The following CSGALNACT1 variants were observed in gnomAD, a reference collection of about 807,000 sequenced individuals.
The protein encoded by CSGALNACT1 is chondroitin sulfate N-acetylgalactosaminyltransferase 1.
A neutral mutation model predicts 51.0 loss-of-function variants in CSGALNACT1; 52 were observed. The ratio of observed to expected loss-of-function variants is 1.02; its 90% CI spans 0.82 to 1.29. CSGALNACT1 has a LOEUF of 1.29. Among genes scored for constraint, CSGALNACT1 ranks in the 50% most tolerant of loss-of-function variants. The pLI, the probability that CSGALNACT1 is intolerant of heterozygous loss-of-function variation, is 0.00. For missense variants in CSGALNACT1, 935 were observed against 679.2 expected (o/e 1.38, Z -4.19); for synonymous variants, 341 against 254.4 (o/e 1.34, Z -3.24).
At chr8:19,445,787 CTGAGTAAA>C (rs1563434984) in intron 5 of CSGALNACT1, among the ~76,000 whole-genome samples, 1 of 152,186 alleles carries the variant, frequency 6.6e-6, no homozygotes, top group Non-Finnish European at 1.5e-5. Context: ...CTAAATAATT[CTGAGTAAA>C]CTCCATCCAC....
chr8:19,562,568 T>C (rs1163617874), intron 3 of CSGALNACT1, among the ~76,000 whole-genome samples: 2 of 148,970 alleles, frequency 1.3e-5, no homozygotes, highest in Non-Finnish European at 3.0e-5. Flanking sequence ...CTGACAAAGG[T>C]CTAATATCCA....
At chr8:19,460,259 CA>C (rs1563518204) in intron 4 of CSGALNACT1, among the ~76,000 whole-genome samples, 1 of 151,146 alleles carries the variant, frequency 6.6e-6, no homozygotes, top group Non-Finnish European at 1.5e-5. Flanking sequence ...CAGGGAGACA[CA>C]GAGAGAGAGA....
chr8:19,744,184 G>A (rs1047404803), intron 1 of CSGALNACT1, among the ~76,000 whole-genome samples: 4 of 152,136 alleles, frequency 2.6e-5, no homozygotes, highest in African/African-American at 7.2e-5. Context: ...AGATGGCTAC[G>A]GGAAAGGTAT....
intron 6 of CSGALNACT1, among the ~76,000 whole-genome samples, chr8:19,437,336 C>T (rs555412562): frequency 3.3e-5 from 5 of 152,192 alleles, no homozygotes; most frequent in Admixed American, 3.3e-4. Flanking sequence ...CCCAGTTTGG[C>T]TAGGGAGCAG....
chr8:19,473,371 T>A (rs1020353971), intron 4 of CSGALNACT1, among the ~76,000 whole-genome samples: 5 of 152,166 alleles, frequency 3.3e-5, no homozygotes, highest in African/African-American at 1.2e-4. Context: ...CTCCCAATCA[T>A]CTGTTCTAGT....
chr8:19,732,327 T>A (rs1020370195), intron 1 of CSGALNACT1: 1 of 152,148 alleles, frequency 6.6e-6, no homozygotes, highest in Non-Finnish European at 1.5e-5. Context: ...ATAAAATACA[T>A]CCAATTAAAA....
At chr8:19,591,755 TC>T (rs71205933) in intron 2 of CSGALNACT1, among the ~76,000 whole-genome samples, 19,066 of 151,494 alleles carry the variant, frequency 0.13, 1,344 homozygotes, top group South Asian at 0.2. Context: ...GAGATTCCTC[TC>T]CACAAAAAAA....
intron 1 of CSGALNACT1, among the ~76,000 whole-genome samples, chr8:19,688,207 C>T (rs2061085816): frequency 6.6e-6 from 1 of 152,166 alleles, no homozygotes; most frequent in Non-Finnish European, 1.5e-5. Context: ...CCATGGGCTG[C>T]TTTCCTCAAT....
At chr8:19,736,739 T>C (rs544381014) in intron 1 of CSGALNACT1, among the ~76,000 whole-genome samples, 26 of 151,988 alleles carry the variant, frequency 1.7e-4, no homozygotes, top group Non-Finnish European at 3.2e-4. Flanking sequence ...AGAAAAAAGA[T>C]AGAAATATGA....
intron 1 of CSGALNACT1, among the ~76,000 whole-genome samples, chr8:19,651,178 T>C (rs1324025033): frequency 1.3e-5 from 2 of 152,336 alleles, no homozygotes; most frequent in East Asian, 3.9e-4. Context: ...AATAAAACTT[T>C]ACAAAATTCT....
At position 19,659,845 on chromosome 8, in the gene CSGALNACT1, C is replaced by T. The variant is rs111614076; in HGVS notation, c.-544+22628G>A. ...CAGCAGTGCATCTCCCAGGGGAGATCGCTGCTTCCTGCTAATCCCAGATTG... is the reference window on the plus strand; with the variant it reads ...CAGCAGTGCATCTCCCAGGGGAGATTGCTGCTTCCTGCTAATCCCAGATTG... On this transcript the variant is annotated intron_variant, in intron 1 of 9. Transcript: ENST00000332246. Among the ~76,000 whole-genome samples the T allele has an allele frequency of 5.3e-3, 803 of 152,274 alleles. 8 individuals carry two copies. The highest frequency in any genetic ancestry group is 0.018 in the African/African-American group (736 of 41,560).
chr8:19,638,080 T>A (rs536718274), intron 1 of CSGALNACT1, among the ~76,000 whole-genome samples: 1 of 152,282 alleles, frequency 6.6e-6, no homozygotes, highest in African/African-American at 2.4e-5. Context: ...ACAACCAACC[T>A]AAACTGTTAG....
chr8:19,494,044 C>T (rs1214938445), intron 4 of CSGALNACT1, among the ~76,000 whole-genome samples: 1 of 152,192 alleles, frequency 6.6e-6, no homozygotes, highest in Non-Finnish European at 1.5e-5. Flanking sequence ...ACAAATCTAG[C>T]CACGACATTT....
At chr8:19,688,915 G>A (rs1055100606) in intron 1 of CSGALNACT1, 4 of 152,252 alleles carry the variant, frequency 2.6e-5, no homozygotes, top group Admixed American at 6.5e-5. Flanking sequence ...GGACAAAATT[G>A]ATTCCTATCT....
At chr8:19,542,619 A>G (rs1040653278) in intron 3 of CSGALNACT1, among the ~76,000 whole-genome samples, 9 of 152,146 alleles carry the variant, frequency 5.9e-5, no homozygotes, top group African/African-American at 9.7e-5. Flanking sequence ...AGTTTTAAGA[A>G]TCTGTGTAGA....
chr8:19,744,485 C>T (rs1045449448), intron 1 of CSGALNACT1, among the ~76,000 whole-genome samples: 5 of 152,170 alleles, frequency 3.3e-5, no homozygotes, highest in African/African-American at 1.2e-4. Context: ...GTAATTAGTC[C>T]TCCTTTTTAT....
intron 1 of CSGALNACT1, among the ~76,000 whole-genome samples, chr8:19,724,043 CTAAAG>C (rs2063267748): frequency 2.0e-5 from 3 of 152,110 alleles, no homozygotes; most frequent in African/African-American, 7.2e-5. Context: ...TAAATCCTCC[CTAAAG>C]TAGAGATTTT....
chr8:19,493,346 C>T (rs924979814), intron 4 of CSGALNACT1, among the ~76,000 whole-genome samples: 6 of 152,160 alleles, frequency 3.9e-5, no homozygotes, highest in Admixed American at 2.0e-4. Context: ...TTAAAATTCA[C>T]GTCACACAAT....
At chr8:19,658,785 G>A (rs774098227) in intron 1 of CSGALNACT1, among the ~76,000 whole-genome samples, 3 of 152,106 alleles carry the variant, frequency 2.0e-5, no homozygotes, top group Admixed American at 6.6e-5. Context: ...CAACAGCTAT[G>A]CTTCTCCATA....
Sources: allele counts gnomAD v4.1 joint callset (sites outside exome capture counted in the v4.1 genomes callset), GRCh38; gene constraint gnomAD v4.1.1; transcripts MANE v1.5; gene names NCBI Gene and HGNC (gene_info 2026-07-23, HGNC 2026-07-21).